Variants in OXNAD1 observed in about 807,000 individuals in gnomAD.
OXNAD1 encodes the protein oxidoreductase NAD-binding domain-containing protein 1.
Under a neutral mutation model 32.9 loss-of-function variants are expected in OXNAD1, and 34 were observed. That is an observed-to-expected ratio of 1.03 (90% confidence interval 0.79 to 1.38). The LOEUF is 1.38. Among genes scored for constraint, OXNAD1 ranks in the 40% most tolerant of loss-of-function variants. The pLI, the probability that OXNAD1 is intolerant of heterozygous loss-of-function variation, is 0.00. For synonymous variants in OXNAD1, 134 were observed against 135.2 expected, an observed-to-expected ratio of 0.99 and a Z score of 0.06; for missense variants, 407 against 379.4, an observed-to-expected ratio of 1.07 and a Z score of -0.60.
Position 16,286,426 on chromosome 3 carries a change from T to A in OXNAD1, c.268T>A (p.Phe90Ile). 6.2e-7 allele frequency: 1 copy of A among 1,613,854 alleles called. No individual in the cohort carries two copies. The highest frequency in any genetic ancestry group is 1.7e-5 in the Admixed American group (1 of 60,000). The change falls in exon 5 of 9, where the codon TTT becomes ATT. Residue 90 changes from phenylalanine to isoleucine, a missense_variant. Phe to Ile is a conservative substitution (Grantham distance 21). Transcript: ENST00000285083. Reference protein sequence around the residue: ...SLRLLVADQDFSFKAGQWVDF... With the variant: ...SLRLLVADQDISFKAGQWVDF... The stretch of plus-strand genomic sequence containing the variant: ...CCGCTTGCTTGTTGCTGATCAAGAC[T>A]TTTCCTTTAAAGCTGGCCAGTGGTA...
At position 16,294,940 on chromosome 3, in the gene OXNAD1, G is replaced by A; in HGVS notation, c.375G>A (p.Val125=). ...CCAGACTGCTAGAACAAGAGAGAGT[G>A]ATAGAATTGGCAGTGAAATATACGA... ...SSPRLLEQER[V]IELAVKYTNH... Residue 125 remains valine (V), a synonymous_variant, in exon 6 of 9, where the codon GTG becomes GTA. Coordinates refer to ENST00000285083, the MANE Select transcript of OXNAD1 (RefSeq NM_138381.5). 6.2e-7 allele frequency: 1 copy of A among 1,613,224 alleles called. No homozygotes were observed.
At chr3:16,274,452 AGATACATAACT>A (rs1207092396) in intron 4 of OXNAD1, among the ~76,000 whole-genome samples, 1 of 152,242 alleles carries the variant, frequency 6.6e-6, no homozygotes, top group Non-Finnish European at 1.5e-5. Context: ...TTTATGTAAC[AGATACATAACT>A]ATAGCCAAAA....
At chr3:16,342,213 AC>A (rs770608990), downstream of OXNAD1, among the ~76,000 whole-genome samples, 4 of 144,716 alleles carry the variant, frequency 2.8e-5, no homozygotes, top group Non-Finnish European at 6.0e-5. The surrounding 1 kb of genome is among the most constrained non-coding windows in gnomAD (Gnocchi z 4.0). Context: ...CCCCCCACCC[AC>A]CCCGAGGCAA....
chr3:16,267,141 C>T (rs757837033), intron 1 of OXNAD1, among the ~76,000 whole-genome samples: 4 of 152,110 alleles, frequency 2.6e-5, no homozygotes, highest in African/African-American at 9.7e-5. Flanking sequence ...CCTCTCACAC[C>T]CTGCCTAATG....
intron 4 of OXNAD1, among the ~76,000 whole-genome samples, chr3:16,276,862 T>C (rs1044804742): frequency 6.6e-6 from 1 of 151,992 alleles, no homozygotes; most frequent in African/African-American, 2.4e-5. Flanking sequence ...CCAATCATGG[T>C]ACTACCTTTC....
chr3:16,269,724 A>G lies in OXNAD1; in HGVS notation c.-9+449A>G, dbSNP rs187384776. ...ACTCGTTGAATGAAGGACCAAATTA[A>G]TGAATATGGAGTAGGAATGTAAACA... On this transcript the variant is annotated intron_variant, in intron 2 of 8. Transcript: ENST00000285083. 1.7e-4 allele frequency among the ~76,000 whole-genome samples: 26 copies of G among 152,354 alleles called. No homozygotes were observed. The East Asian group carries it at 4.4e-3, about 26-fold the overall frequency.
rs566263161 is a variant in OXNAD1 at position 16,265,405 on chromosome 3, C to A, written c.-259C>A. 19 of 154,750 alleles carry A rather than the reference C, an allele frequency of 1.2e-4. 1 individual carries two copies. The South Asian group carries it at 3.4e-3, about 28-fold the overall frequency. The allele number at this position is 154,750 out of a possible 1,614,324, so 9.6% of individuals were successfully genotyped here. A position where few individuals can be genotyped will look rare whatever the true frequency, so the allele number is the denominator to read the frequency against. On this transcript the variant is annotated 5_prime_UTR_variant, in exon 1 of 9. Coordinates refer to ENST00000285083, the MANE Select transcript of OXNAD1 (RefSeq NM_138381.5). The surrounding 1 kb of genome is among the most constrained non-coding windows in gnomAD (Gnocchi z 4.8). The stretch of plus-strand genomic sequence containing the variant: ...GGCGAGAGCAGCTTAGCCTCCTCGA[C>A]CTCCCTTCCTGGTGACGGACGAACA...
rs79463850 is a variant in OXNAD1, at chr3:16,336,663, A to AT, written c.*31-437dup. ...GCTTTCATAATGTTCAAAGAGAATA[A>AT]TTTTTTTTTTTTAAAAAAGCTTAGT... On this transcript the variant is annotated intron_variant, in intron 9 of 9. Coordinates refer to the OXNAD1 transcript ENST00000435829. This position sits in a 1 kb window ranked among gnomAD's most constrained non-coding sequence, Gnocchi z 6.0. Among the ~76,000 whole-genome samples, 261 of 149,664 alleles carry AT rather than the reference A, an allele frequency of 1.7e-3. 1 individual carries two copies. The highest frequency in any genetic ancestry group is 6.8e-3 in the Middle Eastern group (2 of 294).
intron 9 of OXNAD1, among the ~76,000 whole-genome samples, chr3:16,347,045 A>G (rs1453871718): frequency 6.6e-6 from 1 of 152,118 alleles, no homozygotes; most frequent in Non-Finnish European, 1.5e-5. Context: ...GATACCCATG[A>G]CCACCACCCT....
chr3:16,269,994 C>G (rs778562692), intron 2 of OXNAD1, among the ~76,000 whole-genome samples: 1 of 152,160 alleles, frequency 6.6e-6, no homozygotes, highest in Non-Finnish European at 1.5e-5. Context: ...CTAATCAGTG[C>G]TTTTCTTGAC....
At chr3:16,309,304 G>A (rs1026165677), downstream of OXNAD1, among the ~76,000 whole-genome samples, 12 of 152,274 alleles carry the variant, frequency 7.9e-5, no homozygotes, top group African/African-American at 2.6e-4. Flanking sequence ...ATTACTAGAA[G>A]TGCCATTTCT....
chr3:16,335,035 G>T lies in OXNAD1; in HGVS notation c.*31-2077G>T, dbSNP rs1477052751. ...ATTGTCTCCTAAAAGTCTCCACAAA[G>T]AATGTGGTCCTGTCAACACCTTGGT... On this transcript the variant is annotated intron_variant, in intron 9 of 9. Coordinates refer to the OXNAD1 transcript ENST00000435829. This position sits in a 1 kb window ranked among gnomAD's most constrained non-coding sequence, Gnocchi z 4.7. Among the ~76,000 whole-genome samples the T allele has an allele frequency of 6.6e-6, 1 of 152,220 alleles. No homozygotes were observed. Among genetic ancestry groups the T allele is most frequent in the East Asian group, 1.9e-4 (1 of 5,200 alleles).
intron 4 of OXNAD1, among the ~76,000 whole-genome samples, chr3:16,285,119 A>G (rs2065983555): frequency 6.6e-6 from 1 of 152,274 alleles, no homozygotes; most frequent in South Asian, 2.1e-4. Context: ...ATGGAGAAAG[A>G]AAGGTTAGGT....
rs922638122 is a variant in OXNAD1 at position 16,303,371 on chromosome 3, T to G, written c.785-37T>G. 1 of 1,608,690 alleles carries G rather than the reference T, an allele frequency of 6.2e-7. No individual in the cohort carries two copies. Among genetic ancestry groups the G allele is most frequent in the Non-Finnish European group, 8.5e-7 (1 of 1,176,574 alleles). On this transcript the variant is annotated intron_variant, in intron 8 of 8. Transcript: ENST00000285083. The surrounding 1 kb of genome is among the most constrained non-coding windows in gnomAD (Gnocchi z 4.8). Reference sequence around the variant, plus strand: ...TTCCTCATTTGCTGATACAACCATGTCTGGCTTAATTTGGTGTTTATTCTG... The same window carrying G: ...TTCCTCATTTGCTGATACAACCATGGCTGGCTTAATTTGGTGTTTATTCTG...
chr3:16,335,776 T>TAAAA lies in OXNAD1; in HGVS notation c.*31-1320_*31-1317dup, dbSNP rs540104859. On this transcript the variant is annotated intron_variant, in intron 9 of 9. Coordinates refer to the OXNAD1 transcript ENST00000435829. The surrounding 1 kb of genome is among the most constrained non-coding windows in gnomAD (Gnocchi z 4.7). ...ATCCTGCACTTGCACCCTGGAACTT[T>TAAAA]AAAAAAAAAAAAAAAAAAAGGAGTT... 1.5e-5 allele frequency among the ~76,000 whole-genome samples: 2 copies of TAAAA among 136,646 alleles called. No individual in the cohort carries two copies. Among genetic ancestry groups the TAAAA allele is most frequent in the Admixed American group, 7.3e-5 (1 of 13,638 alleles). 89.6% of individuals were successfully genotyped at this position (136,646 alleles called of 152,430 possible).
chr3:16,282,426 T>G (rs1443274063), intron 4 of OXNAD1, among the ~76,000 whole-genome samples: 1 of 152,072 alleles, frequency 6.6e-6, no homozygotes, highest in Non-Finnish European at 1.5e-5. Context: ...AAAACCATTT[T>G]AAGTGACTTA....
At position 16,327,186 on chromosome 3, in the gene OXNAD1, G is replaced by T. The variant is rs690097; in HGVS notation, c.*31-9926G>T. Among the ~76,000 whole-genome samples the T allele has an allele frequency of 0.59, 89,648 of 151,420 alleles. 26,763 individuals are homozygous for T. Among genetic ancestry groups the T allele is most frequent in the African/African-American group, 0.68 (28,237 of 41,252 alleles). On this transcript the variant is annotated intron_variant, in intron 9 of 9. Coordinates refer to the OXNAD1 transcript ENST00000435829. This position sits in a 1 kb window ranked among gnomAD's most constrained non-coding sequence, Gnocchi z 4.2. ...GCCTCCTGTGAGTTTCACTGACGAA[G>T]CATAACTGTCTCACCTCTGAGCGGT...
At chr3:16,342,340 A>G (rs989756573), downstream of OXNAD1, among the ~76,000 whole-genome samples, 3 of 152,240 alleles carry the variant, frequency 2.0e-5, no homozygotes, top group Admixed American at 6.5e-5. The surrounding 1 kb of genome is among the most constrained non-coding windows in gnomAD (Gnocchi z 4.0). Context: ...CATATGTTCA[A>G]GGTTCATACA....
intron 9 of OXNAD1, chr3:16,313,426 C>T (rs2068113603): frequency 6.6e-6 from 1 of 152,194 alleles, no homozygotes; most frequent in Non-Finnish European, 1.5e-5. Context: ...CTGCTCCTGT[C>T]TCATTGCCAG....
Sources: allele counts gnomAD v4.1 joint callset (sites outside exome capture counted in the v4.1 genomes callset), GRCh38; gene constraint gnomAD v4.1.1; non-coding constraint Gnocchi (gnomAD v3.1); transcripts MANE v1.5; gene names NCBI Gene and HGNC (gene_info 2026-07-23, HGNC 2026-07-21).